The following RUNX3 variants were observed in gnomAD, a reference collection of about 807,000 sequenced individuals.
The protein encoded by RUNX3 is RUNX family transcription factor 3, also known as runt-related transcription factor 3.
In RUNX3, 10 loss-of-function variants were observed where a neutral mutation model predicts 27.7. The ratio of observed to expected loss-of-function variants is 0.36; its 90% CI spans 0.22 to 0.61. The LOEUF is 0.61. RUNX3 is among the 20% of genes least tolerant of loss of function. The pLI is 0.72. For synonymous variants in RUNX3, 270 were observed against 269.2 expected (o/e 1.00, Z -0.03); for missense variants, 469 against 629.5 (o/e 0.75, Z 2.73).
chr1:24,911,423 G>C (rs1259468584), intron 3 of RUNX3, among the ~76,000 whole-genome samples: 1 of 152,202 alleles, frequency 6.6e-6, no homozygotes, highest in Admixed American at 6.5e-5. Flanking sequence ...GACGGGTCCT[G>C]TCACTTGCAG....
At chr1:24,948,913 A>G (rs530729892) in intron 2 of RUNX3, among the ~76,000 whole-genome samples, 1 of 152,196 alleles carries the variant, frequency 6.6e-6, no homozygotes, top group East Asian at 1.9e-4. Context: ...ACAATACTGT[A>G]AATTAATCAC....
At position 24,927,358 on chromosome 1, in the gene RUNX3, C is replaced by T. The variant is rs1641118599; in HGVS notation, c.439+216G>A. Reference sequence around the variant, plus strand: ...TTCAGGAGTTGGTAAACCCTAGAAACTGGGAGAAAATTGTCTTTTTCTGGC... The same window carrying T: ...TTCAGGAGTTGGTAAACCCTAGAAATTGGGAGAAAATTGTCTTTTTCTGGC... On this transcript the variant is annotated intron_variant, in intron 2 of 4. Coordinates refer to ENST00000308873, the MANE Select transcript of RUNX3 (RefSeq NM_004350.3). This position sits in a 1 kb window ranked among gnomAD's most constrained non-coding sequence, Gnocchi z 5.0. 6.6e-6 allele frequency among the ~76,000 whole-genome samples: 1 copy of T among 152,168 alleles called. No homozygotes were observed. The highest frequency in any genetic ancestry group is 6.5e-5 in the Admixed American group (1 of 15,286).
chr1:24,919,178 G>C, intron 3 of RUNX3, 62 bp downstream of exon 3: 1 of 1,046,684 alleles, frequency 9.6e-7, no homozygotes. Context: ...CCTAGCTGCT[G>C]TCCTTCCCGC....
chr1:24,907,512 T>A, intron 3 of RUNX3, 95 bp from the exon 4 acceptor site: 2 of 1,296,172 alleles, frequency 1.5e-6, no homozygotes, highest in Non-Finnish European at 2.1e-6. Context: ...TCCTGAGGTC[T>A]GACCTTAGGC....
At chr1:24,952,225 GC>G (rs1357158443) in intron 2 of RUNX3, among the ~76,000 whole-genome samples, 1 of 151,980 alleles carries the variant, frequency 6.6e-6, no homozygotes, top group East Asian at 1.9e-4. Flanking sequence ...TAATTTCCCC[GC>G]CCCCACAGTG....
At chr1:24,920,209 T>C (rs1018997425) in intron 2 of RUNX3, among the ~76,000 whole-genome samples, 1 of 150,860 alleles carries the variant, frequency 6.6e-6, no homozygotes, top group African/African-American at 2.5e-5. Context: ...ACTTTTAAAA[T>C]ACTACTTTTT....
chr1:24,964,816 A>C, intron 1 of RUNX3: 1 of 1,041,110 alleles, frequency 9.6e-7, no homozygotes, highest in Non-Finnish European at 1.3e-6. Flanking sequence ...TCCCCAAGGA[A>C]AGTAAGTTTC....
intron 2 of RUNX3, chr1:24,961,536 A>G (rs190387698): frequency 5.9e-5 from 9 of 152,342 alleles, no homozygotes; most frequent in Admixed American, 3.3e-4. Context: ...AGTGACTCAG[A>G]CACAGTCTCA....
chr1:24,954,972 G>A (rs1641878572), intron 2 of RUNX3, among the ~76,000 whole-genome samples: 1 of 152,098 alleles, frequency 6.6e-6, no homozygotes, highest in African/African-American at 2.4e-5. Flanking sequence ...ACCAACCCCA[G>A]GCCTGGCCCA....
intron 2 of RUNX3, among the ~76,000 whole-genome samples, chr1:24,958,271 A>G (rs566793274): frequency 1.2e-4 from 19 of 152,264 alleles, no homozygotes; most frequent in Admixed American, 1.0e-3. Flanking sequence ...GTGAATTAAC[A>G]TGTCAGGTCA....
chr1:24,908,868 TC>T (rs1293504397), intron 3 of RUNX3, among the ~76,000 whole-genome samples: 1 of 152,134 alleles, frequency 6.6e-6, no homozygotes, highest in Non-Finnish European at 1.5e-5. Context: ...CACTCTGGGA[TC>T]CCCAGAACAT....
At chr1:24,908,994 A>G (rs1008006915) in intron 3 of RUNX3, among the ~76,000 whole-genome samples, 9 of 152,208 alleles carry the variant, frequency 5.9e-5, no homozygotes, top group African/African-American at 2.4e-5. Context: ...AGCTGGGGTC[A>G]GGGGACGAGA....
In RUNX3 at chr1:24,927,593, G is replaced by A. The variant is rs1641123638; in HGVS notation, c.420C>T (p.Phe140=). The A allele has an allele frequency of 2.5e-6, 4 of 1,613,984 alleles. No individual in the cohort carries two copies. The highest frequency in any genetic ancestry group is 1.7e-5 in the Admixed American group (1 of 59,998). ...ACTTACCTCGCCCACTGCGGCCCAC[G>A]AAGCGAAGGTCGTTGAACCTGGCCA... ...NQVARFNDLR[F]VGRSGRGKSF... Residue 140 remains phenylalanine, a synonymous_variant, in exon 2 of 5, where the codon TTC becomes TTT. Coordinates refer to ENST00000308873, the MANE Select transcript of RUNX3 (RefSeq NM_004350.3). This position sits in a 1 kb window ranked among gnomAD's most constrained non-coding sequence, Gnocchi z 5.0.
intron 4 of RUNX3, among the ~76,000 whole-genome samples, chr1:24,906,223 C>T (rs1391396999): frequency 6.6e-6 from 1 of 152,210 alleles, no homozygotes; most frequent in Non-Finnish European, 1.5e-5. Flanking sequence ...TCTGTCCCCT[C>T]AGAAGTACAG....
chr1:24,964,040 C>G (rs889715369), intron 2 of RUNX3, among the ~76,000 whole-genome samples: 1 of 152,212 alleles, frequency 6.6e-6, no homozygotes, highest in East Asian at 1.9e-4. Flanking sequence ...TCTGATACCC[C>G]AGGAGTTACA....
intron 2 of RUNX3, 170 bp from the exon 3 acceptor site, chr1:24,919,514 G>C: frequency 1.9e-6 from 1 of 516,442 alleles, no homozygotes. Flanking sequence ...AAGCTCTTGG[G>C]CTTGGCATTC....
chr1:24,946,183 T>C (rs1411744824), intron 2 of RUNX3, among the ~76,000 whole-genome samples: 1 of 152,166 alleles, frequency 6.6e-6, no homozygotes, highest in Non-Finnish European at 1.5e-5. Context: ...CCCCATTCCT[T>C]AAAACAAAAC....
upstream of RUNX3, among the ~76,000 whole-genome samples, chr1:24,931,064 C>T (rs773968776): frequency 1.3e-5 from 2 of 152,248 alleles, no homozygotes; most frequent in Non-Finnish European, 2.9e-5. Context: ...CACGACGAGG[C>T]CTGCAAAATG....
At chr1:24,944,437 G>A (rs1225209936) in intron 2 of RUNX3, among the ~76,000 whole-genome samples, 1 of 152,190 alleles carries the variant, frequency 6.6e-6, no homozygotes, top group African/African-American at 2.4e-5. Flanking sequence ...CTGGTCTCCT[G>A]TGGTAGGCAG....
Sources: gnomAD v4.1 joint callset for allele counts (sites outside exome capture counted in the v4.1 genomes callset) on GRCh38, gnomAD v4.1.1 for gene constraint, Gnocchi (gnomAD v3.1) non-coding constraint, MANE v1.5 for transcripts, NCBI Gene and HGNC (gene_info 2026-07-23, HGNC 2026-07-21) for gene names.